BAZ1A: variants seen among roughly 807,000 people sequenced by gnomAD.
The protein encoded by BAZ1A is bromodomain adjacent to zinc finger domain 1A.
In BAZ1A, 50 loss-of-function variants were observed where a neutral mutation model predicts 185.2. The observed-to-expected ratio is 0.27, with a 90% CI of 0.22 to 0.34. The LOEUF is 0.34. Ranked by LOEUF, BAZ1A falls within the 10% of genes least tolerant of loss-of-function variation. The pLI, the probability that BAZ1A is intolerant of heterozygous loss-of-function variation, is 1.00. For missense variants in BAZ1A, 1,356 were observed against 1,839.9 expected (o/e 0.74, Z 4.81); for synonymous variants, 571 against 615.6 (o/e 0.93, Z 1.07).
In BAZ1A at chr14:34,874,459, C is replaced by G. The variant is rs750913026; in HGVS notation, c.113+33G>C. 2 of 1,574,976 alleles carry G rather than the reference C, an allele frequency of 1.3e-6. No individual in the cohort carries two copies. The highest frequency in any genetic ancestry group is 1.7e-6 in the Non-Finnish European group (2 of 1,145,980). On this transcript the variant is annotated intron_variant, in intron 2 of 26. Transcript: ENST00000360310. This position sits in a 1 kb window ranked among gnomAD's most constrained non-coding sequence, Gnocchi z 4.7. ...AGCGCTGCGGGGGGAGTCCCCACAC[C>G]CCCCGCGGCCCCGCACACGGCCCGG...
At chr14:34,832,566 T>C (rs997400424) in intron 3 of BAZ1A, among the ~76,000 whole-genome samples, 3 of 152,018 alleles carry the variant, frequency 2.0e-5, no homozygotes, top group Non-Finnish European at 4.4e-5. Flanking sequence ...TCAGCATCAT[T>C]TGTCATAAGG....
At chr14:34,794,487 G>A (rs940229004) in intron 11 of BAZ1A, among the ~76,000 whole-genome samples, 3 of 152,156 alleles carry the variant, frequency 2.0e-5, no homozygotes, top group Non-Finnish European at 4.4e-5. Context: ...GGCTTTAAGA[G>A]GGCTAGCAGT....
At chr14:34,784,375 A>C (rs1279062846) in intron 14 of BAZ1A, among the ~76,000 whole-genome samples, 7 of 78,258 alleles carry the variant, frequency 8.9e-5, no homozygotes, top group Non-Finnish European at 1.1e-4. Context: ...CTCAAAAAAA[A>C]AAAAAAAAAA....
intron 3 of BAZ1A, among the ~76,000 whole-genome samples, chr14:34,855,623 G>A (rs1269653224): frequency 6.6e-6 from 1 of 152,096 alleles, no homozygotes; most frequent in East Asian, 1.9e-4. Context: ...GCCAGGCATG[G>A]TGGCTCACAT....
chr14:34,811,068 TTAA>T (rs1302067484), intron 4 of BAZ1A, 32 bp from the exon 5 acceptor site: 5 of 1,393,454 alleles, frequency 3.6e-6, no homozygotes, highest in Non-Finnish European at 4.0e-6. Context: ...CACAAATCAG[TTAA>T]TAATTTGGAA....
chr14:34,863,886 C>G (rs1033920071), intron 2 of BAZ1A, among the ~76,000 whole-genome samples: 3 of 150,624 alleles, frequency 2.0e-5, no homozygotes, highest in Admixed American at 6.6e-5. Context: ...ACTCTGTTGT[C>G]CAGACTGAAG....
intron 6 of BAZ1A, among the ~76,000 whole-genome samples, chr14:34,803,380 G>GAAA (rs11448366): frequency 3.0e-4 from 35 of 114,844 alleles, no homozygotes; most frequent in South Asian, 8.6e-4. Context: ...TCCATCTCAG[G>GAAA]AAAAAAAAAA....
chr14:34,873,819 C>T (rs547615646), intron 2 of BAZ1A, among the ~76,000 whole-genome samples: 3 of 152,302 alleles, frequency 2.0e-5, no homozygotes, highest in African/African-American at 7.2e-5. Flanking sequence ...GAGCGCGGCT[C>T]GCGTCGCACT....
intron 4 of BAZ1A, among the ~76,000 whole-genome samples, chr14:34,820,108 T>A (rs1386456225): frequency 6.6e-6 from 1 of 151,174 alleles, no homozygotes; most frequent in Admixed American, 6.7e-5. Flanking sequence ...TGCCATTTTT[T>A]AATTGGGTTC....
At chr14:34,858,463 A>G (rs1200986867) in intron 3 of BAZ1A, among the ~76,000 whole-genome samples, 1 of 152,096 alleles carries the variant, frequency 6.6e-6, no homozygotes, top group Non-Finnish European at 1.5e-5. Context: ...GTTACAGAGA[A>G]GAAAAAACAT....
At chr14:34,837,109 T>C (rs1394283308) in intron 3 of BAZ1A, among the ~76,000 whole-genome samples, 1 of 151,830 alleles carries the variant, frequency 6.6e-6, no homozygotes, top group Non-Finnish European at 1.5e-5. Flanking sequence ...TCTGAGACCC[T>C]TTATGGACTA....
chr14:34,770,151 T>G (rs959808336), intron 21 of BAZ1A, among the ~76,000 whole-genome samples: 1 of 152,136 alleles, frequency 6.6e-6, no homozygotes, highest in Non-Finnish European at 1.5e-5. Context: ...TATCAAAAAA[T>G]TATTATTTTT....
At position 34,817,845 on chromosome 14, in the gene BAZ1A, G is replaced by A. The variant is rs141025687; in HGVS notation, c.537-6809C>T. Among the ~76,000 whole-genome samples, 420 of 152,302 alleles carry A rather than the reference G, an allele frequency of 2.8e-3. 3 individuals carry two copies. Among genetic ancestry groups the A allele is most frequent in the Non-Finnish European group, 3.2e-3 (221 of 68,022 alleles). On this transcript the variant is annotated intron_variant, in intron 4 of 26. Coordinates refer to ENST00000360310, the MANE Select transcript of BAZ1A (RefSeq NM_013448.3). The stretch of plus-strand genomic sequence containing the variant: ...TTTTAAAAACCAGAGTATAACAACT[G>A]ATGCCAAGTGTATGGTGAAACTGGA...
At chr14:34,860,013 T>C (rs1026870500) in intron 3 of BAZ1A, among the ~76,000 whole-genome samples, 2 of 152,164 alleles carry the variant, frequency 1.3e-5, no homozygotes, top group African/African-American at 4.8e-5. Context: ...ATTCTTAGTT[T>C]TTAGATAAAA....
chr14:34,754,000 C>T (rs1164571763), intron 26 of BAZ1A, among the ~76,000 whole-genome samples: 1 of 151,784 alleles, frequency 6.6e-6, no homozygotes, highest in East Asian at 1.9e-4. Context: ...AGCCTGTAAT[C>T]CCAGCACTTT....
Position 34,780,232 on chromosome 14 carries a change from G to T in BAZ1A, c.2190C>A (p.Val730=), listed in dbSNP as rs1403944082. ...TEQKELDQDM[V]TEDEDDPGSH... ...ATCCTGGGTCATCTTCATCTTCAGTGACCATATCTTGATCTAATTCCTTTT... is the reference window on the plus strand; with the variant it reads ...ATCCTGGGTCATCTTCATCTTCAGTTACCATATCTTGATCTAATTCCTTTT... The change falls in exon 17 of 27, where the codon GTC becomes GTA. Residue 730 remains valine, a synonymous_variant. Transcript: ENST00000360310. 21 of 1,613,462 alleles carry T rather than the reference G, an allele frequency of 1.3e-5. No individual in the cohort carries two copies. The highest frequency in any genetic ancestry group is 1.8e-5 in the Non-Finnish European group (21 of 1,179,796).
In BAZ1A at chr14:34,836,145, C is replaced by T. The variant is rs1295349515; in HGVS notation, c.393-9989G>A. ...CTGTAATCCCAGCACTTTGGGAGGCCGAGGCGGGCGGATCACGAGGTCAGG... is the reference window on the plus strand; with the variant it reads ...CTGTAATCCCAGCACTTTGGGAGGCTGAGGCGGGCGGATCACGAGGTCAGG... On this transcript the variant is annotated intron_variant, in intron 3 of 26. Transcript: ENST00000360310. 1.9e-4 allele frequency among the ~76,000 whole-genome samples: 5 copies of T among 26,998 alleles called. 1 individual carries two copies. The highest frequency in any genetic ancestry group is 7.8e-4 in the East Asian group (1 of 1,288). The allele number at this position is 26,998 out of a possible 152,430, so 17.7% of individuals were successfully genotyped here. A position where few individuals can be genotyped will look rare whatever the true frequency, so the allele number is the denominator to read the frequency against.
intron 18 of BAZ1A, 92 bp from the exon 19 acceptor site, chr14:34,774,582 T>A: frequency 8.9e-7 from 1 of 1,129,826 alleles, no homozygotes; most frequent in Non-Finnish European, 1.2e-6. Flanking sequence ...ATAACAGATA[T>A]AAAAGTGCTT....
chr14:34,872,042 A>T (rs1056816635), intron 2 of BAZ1A, among the ~76,000 whole-genome samples: 3 of 152,222 alleles, frequency 2.0e-5, no homozygotes, highest in Non-Finnish European at 4.4e-5. Context: ...TAACATGATT[A>T]AATGGCAGTC....
Sources: gnomAD v4.1 joint callset for allele counts (sites outside exome capture counted in the v4.1 genomes callset) on GRCh38, gnomAD v4.1.1 for gene constraint, Gnocchi (gnomAD v3.1) non-coding constraint, MANE v1.5 for transcripts, NCBI Gene and HGNC (gene_info 2026-07-23, HGNC 2026-07-21) for gene names.